The following NFIA variants were observed in gnomAD, a reference collection of about 807,000 sequenced individuals.
The protein encoded by NFIA is nuclear factor I A.
Under a neutral mutation model 62.8 loss-of-function variants are expected in NFIA, and 8 were observed. The ratio of observed to expected loss-of-function variants is 0.13; its 90% CI spans 0.07 to 0.23. The LOEUF is 0.23. NFIA is among the 10% of genes least tolerant of loss of function. The pLI is 1.00. For synonymous variants in NFIA, 235 were observed against 238.1 expected (o/e 0.99, Z 0.12); for missense variants, 410 against 642.1 (o/e 0.64, Z 3.91).
intron 2 of NFIA, among the ~76,000 whole-genome samples, chr1:61,204,241 G>A (rs1255201403): frequency 6.6e-6 from 1 of 152,124 alleles, no homozygotes; most frequent in African/African-American, 2.4e-5. Flanking sequence ...GTCATCTTAG[G>A]CATAGGCTCA....
chr1:61,333,012 AT>A (rs1661376278), intron 4 of NFIA, among the ~76,000 whole-genome samples: 1 of 150,880 alleles, frequency 6.6e-6, no homozygotes, highest in Non-Finnish European at 1.5e-5. Context: ...CATTCAATTG[AT>A]TGTAGTTTTG....
intron 10 of NFIA, among the ~76,000 whole-genome samples, chr1:61,428,009 A>C (rs1240620933): frequency 2.0e-5 from 3 of 152,158 alleles, no homozygotes; most frequent in African/African-American, 7.2e-5. Context: ...AAGTTCAATG[A>C]GAGGGGGAAA....
chr1:61,142,357 T>G (rs1351513837), intron 2 of NFIA, among the ~76,000 whole-genome samples: 1 of 152,196 alleles, frequency 6.6e-6, no homozygotes, highest in Non-Finnish European at 1.5e-5. Flanking sequence ...CTTGGCTGAG[T>G]CCCGGCAAAT....
At chr1:61,077,546 A>G, upstream of NFIA, 1 of 1,197,686 alleles carries the variant, frequency 8.3e-7, no homozygotes, top group Non-Finnish European at 1.1e-6. Flanking sequence ...ATATTTTTTA[A>G]ATGCAAAAAA....
intron 3 of NFIA, among the ~76,000 whole-genome samples, chr1:61,304,823 T>C (rs1049258943): frequency 3.9e-5 from 6 of 152,220 alleles, no homozygotes; most frequent in Non-Finnish European, 5.9e-5. Context: ...TCCTTCCTGA[T>C]GTACAAAATG....
At chr1:61,133,290 A>C (rs1647114599) in intron 2 of NFIA, among the ~76,000 whole-genome samples, 3 of 151,214 alleles carry the variant, frequency 2.0e-5, no homozygotes, top group Admixed American at 1.3e-4. Context: ...TTCTCTGTTG[A>C]CCTAATGAAT....
At chr1:61,186,541 C>A (rs1283728708) in intron 2 of NFIA, among the ~76,000 whole-genome samples, 2 of 152,190 alleles carry the variant, frequency 1.3e-5, no homozygotes, top group Non-Finnish European at 2.9e-5. Context: ...AGTTACCTAC[C>A]ATACATTGTG....
intron 10 of NFIA, among the ~76,000 whole-genome samples, chr1:61,437,191 A>G (rs930606229): frequency 1.3e-5 from 2 of 152,204 alleles, no homozygotes; most frequent in East Asian, 3.8e-4. Context: ...GAAGGGAAGC[A>G]TAAGGCCAGC....
At chr1:61,398,152 A>T (rs889680606) in intron 7 of NFIA, among the ~76,000 whole-genome samples, 8 of 152,196 alleles carry the variant, frequency 5.3e-5, no homozygotes, top group Non-Finnish European at 1.0e-4. Context: ...AGCCGCGCTC[A>T]TTTGTTTATG....
chr1:61,347,519 C>T (rs1337410253), intron 4 of NFIA, among the ~76,000 whole-genome samples: 1 of 152,056 alleles, frequency 6.6e-6, no homozygotes, highest in Non-Finnish European at 1.5e-5. Flanking sequence ...TTGTCTATTG[C>T]CAAGAAAGCC....
At chr1:61,181,426 TAA>T (rs1300975264) in intron 2 of NFIA, among the ~76,000 whole-genome samples, 1 of 152,264 alleles carries the variant, frequency 6.6e-6, no homozygotes, top group Non-Finnish European at 1.5e-5. Flanking sequence ...TCAGCAGCTT[TAA>T]AAAGAATATT....
intron 2 of NFIA, among the ~76,000 whole-genome samples, chr1:61,163,643 T>G (rs1263438812): frequency 1.3e-5 from 2 of 152,154 alleles, no homozygotes; most frequent in Non-Finnish European, 2.9e-5. Flanking sequence ...AAAAAGTTAG[T>G]AGTCAGAAAA....
chr1:61,433,759 C>A (rs960326420), intron 10 of NFIA, among the ~76,000 whole-genome samples: 2 of 152,020 alleles, frequency 1.3e-5, no homozygotes, highest in African/African-American at 4.8e-5. Flanking sequence ...TTATTGTTAT[C>A]CCCACTGTAT....
chr1:61,115,224 A>G (rs1646775772), intron 2 of NFIA, among the ~76,000 whole-genome samples: 1 of 152,088 alleles, frequency 6.6e-6, no homozygotes, highest in Non-Finnish European at 1.5e-5. Flanking sequence ...CAGGTGATCC[A>G]CCCACTTCAG....
intron 2 of NFIA, among the ~76,000 whole-genome samples, chr1:61,097,531 A>G (rs947731055): frequency 5.3e-5 from 8 of 152,164 alleles, no homozygotes; most frequent in African/African-American, 1.9e-4. Context: ...GTTGGGGAAG[A>G]TATATCTGTG....
chr1:61,195,041 C>T (rs1490753309), intron 2 of NFIA, among the ~76,000 whole-genome samples: 1 of 142,430 alleles, frequency 7.0e-6, no homozygotes, highest in African/African-American at 2.8e-5. Context: ...ACCTTTGCTT[C>T]TTTCTCTCAC....
chr1:61,369,340 C>T (rs1339835186), intron 6 of NFIA, among the ~76,000 whole-genome samples: 1 of 151,700 alleles, frequency 6.6e-6, no homozygotes, highest in Non-Finnish European at 1.5e-5. Context: ...TTGGAGGGAA[C>T]AAAATTAATC....
chr1:61,155,679 CAA>C (rs35851988), intron 2 of NFIA, among the ~76,000 whole-genome samples: 1 of 108,672 alleles, frequency 9.2e-6, no homozygotes, highest in African/African-American at 3.7e-5. Context: ...GACTCCATCT[CAA>C]AAAAAAAAAA....
intron 10 of NFIA, among the ~76,000 whole-genome samples, chr1:61,448,735 T>A (rs1426164804): frequency 6.6e-6 from 1 of 152,180 alleles, no homozygotes; most frequent in Non-Finnish European, 1.5e-5. Context: ...GCAAATGCGG[T>A]GGGCCGGAGT....
Sources: allele counts gnomAD v4.1 joint callset (sites outside exome capture counted in the v4.1 genomes callset), GRCh38; gene constraint gnomAD v4.1.1; transcripts MANE v1.5; gene names NCBI Gene and HGNC (gene_info 2026-07-23, HGNC 2026-07-21).